MIB1: variants seen among roughly 807,000 people sequenced by gnomAD.
MIB1 encodes MIB E3 ubiquitin protein ligase 1.
MIB1 carries 278 observed loss-of-function variants against 124.5 expected under a neutral mutation model. The ratio of observed to expected loss-of-function variants is 2.23; its 90% CI spans 2.02 to 2.47. The LOEUF (loss-of-function observed/expected upper bound fraction) is 2.47, where lower values mean the gene tolerates loss of function less well. Ranked by LOEUF, MIB1 falls within the 30% of genes most tolerant of loss-of-function variation. The pLI is 0.00. For missense variants in MIB1, 957 were observed against 1,254.4 expected, an observed-to-expected ratio of 0.76 and a Z score of 3.58; for synonymous variants, 446 against 429.4, an observed-to-expected ratio of 1.04 and a Z score of -0.48.
intron 1 of MIB1, among the ~76,000 whole-genome samples, chr18:21,747,985 A>T: frequency 6.6e-6 from 1 of 152,182 alleles, no homozygotes. Flanking sequence ...GTATTTTCTG[A>T]ATCAGACACA....
chr18:21,789,252 C>G (rs955320175), intron 6 of MIB1, among the ~76,000 whole-genome samples: 3 of 151,640 alleles, frequency 2.0e-5, no homozygotes, highest in African/African-American at 7.3e-5. Context: ...ACTCTATATT[C>G]TCTGCCACTG....
At chr18:21,826,727 A>G (rs2041927454) in intron 12 of MIB1, 2 of 152,232 alleles carry the variant, frequency 1.3e-5, no homozygotes, top group South Asian at 4.1e-4. Context: ...TAATTTGCCT[A>G]TAAAGTTAAG....
chr18:21,847,179 T>G, intron 16 of MIB1, 54 bp downstream of exon 16: 1 of 1,465,272 alleles, frequency 6.8e-7, no homozygotes, highest in East Asian at 2.4e-5. Flanking sequence ...AAATATCATG[T>G]GGTTTCGTAA....
rs527859296 is a variant in MIB1, at chr18:21,746,700, G to T, written c.229+4888G>T. ...TGGAGAAAATGAATGTAGATTTCCT[G>T]TTAAGGTTCTGTCATTCTTCGTGTC... On this transcript the variant is annotated intron_variant, in intron 1 of 20. Transcript: ENST00000261537. 5.9e-5 allele frequency among the ~76,000 whole-genome samples: 9 copies of T among 152,270 alleles called. No homozygotes were observed. The South Asian group carries it at 1.7e-3, about 28-fold the overall frequency.
chr18:21,739,161 C>T (rs190909878), upstream of MIB1, among the ~76,000 whole-genome samples: 2 of 152,270 alleles, frequency 1.3e-5, no homozygotes, highest in East Asian at 3.9e-4. Flanking sequence ...ATAAAAACTT[C>T]TACGCAAATA....
chr18:21,720,649 C>G (rs995076638), intron 1 of MIB1, among the ~76,000 whole-genome samples: 1 of 151,884 alleles, frequency 6.6e-6, no homozygotes, highest in Non-Finnish European at 1.5e-5. Context: ...GGATATTTGG[C>G]GAAGTTAAGG....
chr18:21,766,028 CA>C, intron 2 of MIB1, 85 bp downstream of exon 2: 1 of 1,287,554 alleles, frequency 7.8e-7, no homozygotes. Context: ...ATAGGATTAG[CA>C]AATAGCTTCT....
At chr18:21,846,250 T>C (rs1024877158) in intron 15 of MIB1, among the ~76,000 whole-genome samples, 3 of 152,198 alleles carry the variant, frequency 2.0e-5, no homozygotes, top group Non-Finnish European at 2.9e-5. Context: ...TTTATGACCA[T>C]GGGTAAGTTC....
In MIB1 at chr18:21,847,034, A is replaced by C; in HGVS notation, c.2302A>C (p.Ile768Leu). The change falls in exon 16 of 21, where the codon ATT becomes CTT. Residue 768 changes from isoleucine to leucine, a missense_variant. Physicochemically the swap from Ile to Leu is conservative, Grantham distance 5 (BLOSUM62 2). Coordinates refer to ENST00000261537, the MANE Select transcript of MIB1 (RefSeq NM_020774.4). ...GGCAGCCAATGGTGCTGACCTGAGC[A>C]TTCGAAATAAGAAGGGTCAATCGCC... is the stretch of plus-strand genomic sequence containing the variant. ...FLAANGADLS[I>L]RNKKGQSPLD... The C allele has an allele frequency of 1.9e-6, 3 of 1,614,174 alleles. No homozygotes were observed. The highest frequency in any genetic ancestry group is 1.7e-6 in the Non-Finnish European group (2 of 1,180,024).
intron 7 of MIB1, among the ~76,000 whole-genome samples, chr18:21,797,003 TAAAC>T (rs961712245): frequency 3.3e-5 from 5 of 152,122 alleles, no homozygotes; most frequent in African/African-American, 4.8e-5. Context: ...GATCTTGATT[TAAAC>T]AAACAAAAAA....
intron 12 of MIB1, among the ~76,000 whole-genome samples, chr18:21,834,484 A>T (rs778177043): frequency 6.6e-6 from 1 of 152,190 alleles, no homozygotes; most frequent in Non-Finnish European, 1.5e-5. Flanking sequence ...AAATGTTTAC[A>T]TTGGAGAAAC....
At chr18:21,805,092 A>G (rs943618439) in intron 10 of MIB1, among the ~76,000 whole-genome samples, 11 of 152,098 alleles carry the variant, frequency 7.2e-5, no homozygotes, top group Admixed American at 2.6e-4. Context: ...AGCTCACTGC[A>G]ACCTCTGCCT....
At chr18:21,835,840 A>AACAC (rs144965056) in intron 12 of MIB1, among the ~76,000 whole-genome samples, 2,356 of 107,946 alleles carry the variant, frequency 0.022, 164 homozygotes, top group African/African-American at 0.052. Context: ...CACACACACA[A>AACAC]ACACACACGA....
chr18:21,844,374 A>C, intron 15 of MIB1, 121 bp downstream of exon 15: 1 of 1,069,534 alleles, frequency 9.3e-7, no homozygotes. Flanking sequence ...TGTACTTAGA[A>C]ACTTAGTTTA....
chr18:21,800,539 C>A (rs964721922), intron 9 of MIB1, among the ~76,000 whole-genome samples: 2 of 152,024 alleles, frequency 1.3e-5, no homozygotes, highest in African/African-American at 4.8e-5. Context: ...TTTAAGTGGG[C>A]AGTTTTGATT....
upstream of MIB1, among the ~76,000 whole-genome samples, chr18:21,736,282 G>A (rs1003251072): frequency 2.0e-5 from 3 of 152,244 alleles, no homozygotes; most frequent in East Asian, 5.8e-4. Context: ...CTGCAGCAGA[G>A]GTTCCTGACT....
chr18:21,802,811 G>T (rs566578104), intron 9 of MIB1, among the ~76,000 whole-genome samples: 1 of 152,130 alleles, frequency 6.6e-6, no homozygotes, highest in Non-Finnish European at 1.5e-5. Flanking sequence ...TTGCATTATG[G>T]TGATTGGGTA....
At chr18:21,770,791 G>A (rs1332511087) in intron 3 of MIB1, among the ~76,000 whole-genome samples, 1 of 151,872 alleles carries the variant, frequency 6.6e-6, no homozygotes, top group Non-Finnish European at 1.5e-5. Context: ...AAATTCCCAT[G>A]CACTCATACC....
Position 21,799,849 on chromosome 18 carries a change from T to TCA in MIB1, c.1249_1250dup (p.Gln417HisfsTer4). The TCA allele has an allele frequency of 6.2e-7, 1 of 1,609,812 alleles. No homozygotes were observed. The highest frequency in any genetic ancestry group is 8.5e-7 in the Non-Finnish European group (1 of 1,177,304). On this transcript the variant is annotated frameshift_variant, in exon 9 of 21. Coordinates refer to ENST00000261537, the MANE Select transcript of MIB1 (RefSeq NM_020774.4). LOFTEE classifies it high-confidence loss of function. ...TATTTGATGCTTTACAGAAAGACTCTCACAACTCCTGAAGAAATTATTTGA... is the reference window on the plus strand; with the variant it reads ...TATTTGATGCTTTACAGAAAGACTCTCACACAACTCCTGAAGAAATTATTTGA...
Sources: allele counts gnomAD v4.1 joint callset (sites outside exome capture counted in the v4.1 genomes callset), GRCh38; gene constraint gnomAD v4.1.1; transcripts MANE v1.5; gene names NCBI Gene and HGNC (gene_info 2026-07-23, HGNC 2026-07-21).